Variants in TMEM170A observed in about 807,000 individuals in gnomAD.
TMEM170A encodes transmembrane protein 170A.
A neutral mutation model predicts 12.8 loss-of-function variants in TMEM170A; 18 were observed. That is an observed-to-expected ratio of 1.41 (90% CI 0.97 to 2.09). The LOEUF (loss-of-function observed/expected upper bound fraction) is 2.09, where lower values mean the gene tolerates loss of function less well. TMEM170A is among the 30% of genes most tolerant of loss of function. The probability of loss-of-function intolerance (pLI) is 0.00; values close to 1 mark genes in which losing one functional copy is unlikely to be tolerated. For missense variants in TMEM170A, 220 were observed against 179.9 expected (o/e 1.22, Z -1.28); for synonymous variants, 107 against 76.2 (o/e 1.40, Z -2.11).
intron 1 of TMEM170A, chr16:75,458,392 A>C (rs1471720153): frequency 6.6e-6 from 1 of 152,256 alleles, no homozygotes; most frequent in African/African-American, 2.4e-5. Flanking sequence ...TAAAGTAAGG[A>C]TCTTCCAAAA....
rs776560495 is a variant in TMEM170A, at chr16:75,464,438, CGCAGTGCGCAGGCGCGGGGCGG to C, written c.133+8_133+29del. The C allele has an allele frequency of 2.8e-6, 4 of 1,411,952 alleles. No homozygotes were observed. The South Asian group carries it at 4.6e-5, about 16-fold the overall frequency. 87.5% of individuals were successfully genotyped at this position (1,411,952 alleles called of 1,614,324 possible). On this transcript the variant is annotated splice_region_variant and intron_variant, in intron 1 of 2. Coordinates refer to ENST00000561878, the MANE Select transcript of TMEM170A (RefSeq NM_145254.3). The stretch of plus-strand genomic sequence containing the variant: ...GCACGGCAGCGGCGACGGCGGGGCG[CGCAGTGCGCAGGCGCGGGGCGG>C]GCCGTACCTGGGAAGGAGCAGAGGG...
chr16:75,453,725 A>T (rs2079730535), intron 1 of TMEM170A, among the ~76,000 whole-genome samples: 1 of 152,264 alleles, frequency 6.6e-6, no homozygotes, highest in African/African-American at 2.4e-5. Flanking sequence ...GACAAATGGC[A>T]GGTAAACAAC....
intron 1 of TMEM170A, among the ~76,000 whole-genome samples, chr16:75,462,331 T>G (rs981232699): frequency 1.3e-5 from 2 of 152,256 alleles, no homozygotes; most frequent in Non-Finnish European, 2.9e-5. Flanking sequence ...GAGATTCTCG[T>G]GCCTCAGCCT....
intron 1 of TMEM170A, among the ~76,000 whole-genome samples, chr16:75,461,122 C>G (rs1163939924): frequency 2.0e-5 from 3 of 152,122 alleles, no homozygotes; most frequent in Non-Finnish European, 4.4e-5. Flanking sequence ...GGCATGATGT[C>G]AGCTCACTGC....
chr16:75,463,170 G>A (rs2079937870), intron 1 of TMEM170A, among the ~76,000 whole-genome samples: 1 of 152,146 alleles, frequency 6.6e-6, no homozygotes, highest in African/African-American at 2.4e-5. Context: ...CAACTGTTTG[G>A]CAGGCTTGAC....
At chr16:75,464,697 G>C, upstream of TMEM170A, 1 of 1,456,586 alleles carries the variant, frequency 6.9e-7, no homozygotes, top group African/African-American at 1.5e-5. Context: ...GTCACCTCCA[G>C]CCGGGGTCCT....
chr16:75,454,639 A>C (rs1007004045), intron 1 of TMEM170A, among the ~76,000 whole-genome samples: 3 of 152,188 alleles, frequency 2.0e-5, no homozygotes, highest in Admixed American at 1.3e-4. Context: ...CGTCTCAAAA[A>C]AATAAAAGAG....
At chr16:75,460,875 GT>G (rs1350887897) in intron 1 of TMEM170A, among the ~76,000 whole-genome samples, 1 of 152,076 alleles carries the variant, frequency 6.6e-6, no homozygotes, top group Non-Finnish European at 1.5e-5. Context: ...ACATTACTGG[GT>G]TTTTAATTAT....
At chr16:75,451,347 C>T (rs757869664) in intron 2 of TMEM170A, 14 of 425,590 alleles carry the variant, frequency 3.3e-5, no homozygotes, top group Admixed American at 2.0e-4. Context: ...CTCAGGAGTT[C>T]GAGACCCGGG....
At chr16:75,449,683 C>G (rs1418497823) in intron 2 of TMEM170A, among the ~76,000 whole-genome samples, 3 of 152,184 alleles carry the variant, frequency 2.0e-5, no homozygotes, top group Non-Finnish European at 2.9e-5. Flanking sequence ...ACAATATTAA[C>G]CAAAGGTTGG....
At chr16:75,454,768 T>C (rs768986520) in intron 1 of TMEM170A, among the ~76,000 whole-genome samples, 6 of 152,176 alleles carry the variant, frequency 3.9e-5, no homozygotes, top group Non-Finnish European at 8.8e-5. Flanking sequence ...GTAACGGTTG[T>C]CATGACATTA....
chr16:75,459,444 C>T (rs1282334029), intron 1 of TMEM170A, among the ~76,000 whole-genome samples: 1 of 152,196 alleles, frequency 6.6e-6, no homozygotes, highest in Admixed American at 6.5e-5. Flanking sequence ...ACTCAGCCCT[C>T]CTTCCAGCTG....
chr16:75,456,943 C>T (rs1024147604), intron 1 of TMEM170A, among the ~76,000 whole-genome samples: 8 of 152,220 alleles, frequency 5.3e-5, no homozygotes, highest in African/African-American at 1.4e-4. Flanking sequence ...CGAGTCCTCA[C>T]GTGCCACTCC....
chr16:75,455,566 G>C (rs183657335), intron 1 of TMEM170A, among the ~76,000 whole-genome samples: 7 of 151,966 alleles, frequency 4.6e-5, no homozygotes, highest in Non-Finnish European at 8.8e-5. Context: ...CATGGTGCTC[G>C]TGCCTGTAAT....
chr16:75,464,548 T>C lies in TMEM170A; in HGVS notation c.53A>G (p.Gln18Arg). 1.9e-6 allele frequency: 3 copies of C among 1,589,080 alleles called. No homozygotes were observed. The highest frequency in any genetic ancestry group is 4.8e-5 in the East Asian group (2 of 41,430). ...CGGCACAACCTTCAGGCTCAGGATC[T>C]GCTGCAGGAGCCCGGCCGACCCGCC... ...GSGGSAGLLQ[Q>R]ILSLKVVPRV... Residue 18 changes from glutamine to arginine, a missense_variant, in exon 1 of 3, where the codon CAG (glutamine) becomes CGG (arginine). Gln to Arg is a conservative substitution (Grantham distance 43, BLOSUM62 1). Coordinates refer to ENST00000561878, the MANE Select transcript of TMEM170A (RefSeq NM_145254.3).
At chr16:75,447,727 A>C (rs1311050302) in intron 2 of TMEM170A, 39 bp from the exon 3 acceptor site, 1 of 1,557,880 alleles carries the variant, frequency 6.4e-7, no homozygotes, top group South Asian at 1.2e-5. Flanking sequence ...AAAACAAAAA[A>C]CGAAGGTTAA....
intron 1 of TMEM170A, among the ~76,000 whole-genome samples, chr16:75,456,050 T>TA (rs2079788391): frequency 6.6e-6 from 1 of 152,154 alleles, no homozygotes; most frequent in East Asian, 1.9e-4. Context: ...ACAGGCTTCT[T>TA]AATCTTGTTG....
chr16:75,459,089 T>C (rs1398198684), intron 1 of TMEM170A: 1 of 152,230 alleles, frequency 6.6e-6, no homozygotes, highest in Non-Finnish European at 1.5e-5. Flanking sequence ...AGATGGGGTT[T>C]CACCATATTG....
At chr16:75,453,664 G>A (rs1416337745) in intron 1 of TMEM170A, among the ~76,000 whole-genome samples, 4 of 152,186 alleles carry the variant, frequency 2.6e-5, no homozygotes, top group African/African-American at 9.7e-5. Flanking sequence ...GGATTTCAAA[G>A]CTCTTTAGGA....
Sources: gnomAD v4.1 joint callset for allele counts (sites outside exome capture counted in the v4.1 genomes callset) on GRCh38, gnomAD v4.1.1 for gene constraint, MANE v1.5 for transcripts, NCBI Gene and HGNC (gene_info 2026-07-23, HGNC 2026-07-21) for gene names.